Variants in ABCA1 observed in about 807,000 individuals in gnomAD.
ABCA1 encodes the protein ATP binding cassette subfamily A member 1, also known as phospholipid-transporting ATPase ABCA1.
In ABCA1, 133 loss-of-function variants were observed where a neutral mutation model predicts 262.5. The ratio of observed to expected loss-of-function variants is 0.51; its 90% CI spans 0.44 to 0.59. The LOEUF is 0.59. Ranked by LOEUF, ABCA1 falls within the 20% of genes least tolerant of loss-of-function variation. The pLI, the probability that ABCA1 is intolerant of heterozygous loss-of-function variation, is 0.00. For synonymous variants in ABCA1, 1,022 were observed against 1,043.5 expected (o/e 0.98, Z 0.40); for missense variants, 2,452 against 2,777.5 (o/e 0.88, Z 2.63).
chr9:104,889,014 T>C (rs1419967190), intron 3 of ABCA1, 88 bp downstream of exon 3: 5 of 1,155,314 alleles, frequency 4.3e-6, no homozygotes, highest in African/African-American at 1.5e-5. Flanking sequence ...AAAGACAGCA[T>C]CTTTGGAAAA....
intron 28 of ABCA1, 65 bp downstream of exon 28, chr9:104,812,509 A>G (rs926337528): frequency 6.2e-7 from 1 of 1,604,402 alleles, no homozygotes; most frequent in Non-Finnish European, 8.5e-7. Context: ...TCCTGCCTTC[A>G]CTGGTCACAG....
At chr9:104,878,314 A>C (rs1340185306) in intron 5 of ABCA1, among the ~76,000 whole-genome samples, 1 of 152,254 alleles carries the variant, frequency 6.6e-6, no homozygotes, top group East Asian at 1.9e-4. Flanking sequence ...AAAAAGTTCC[A>C]GTGATGAGAA....
intron 7 of ABCA1, chr9:104,855,385 G>C (rs939396703): frequency 5.8e-5 from 10 of 171,822 alleles, no homozygotes; most frequent in Non-Finnish European, 9.3e-5. Flanking sequence ...ATTTTTAGTA[G>C]AGAGGGGATT....
At position 104,793,399 on chromosome 9, in the gene ABCA1, T is replaced by G. The variant is rs181211426; in HGVS notation, c.5507-99A>C. 1.0e-5 allele frequency: 15 copies of G among 1,499,002 alleles called. No homozygotes were observed. In the East Asian group the frequency reaches 3.4e-4, roughly 34 times the overall value. 92.9% of individuals were successfully genotyped at this position (1,499,002 alleles called of 1,614,324 possible). A position where few individuals can be genotyped will look rare whatever the true frequency, so the allele number is the denominator to read the frequency against. On this transcript the variant is annotated intron_variant, in intron 40 of 49. Coordinates refer to ENST00000374736, the MANE Select transcript of ABCA1 (RefSeq NM_005502.4). ...TATGTTCCTTAAAATTCACCGATCT[T>G]CCAATAAACACAAATGGCTATCACC...
intron 7 of ABCA1, among the ~76,000 whole-genome samples, chr9:104,849,519 G>T (rs987688439): frequency 1.3e-5 from 2 of 152,140 alleles, no homozygotes; most frequent in African/African-American, 4.8e-5. Flanking sequence ...TAAGTGCTCA[G>T]CATTTACTAA....
At chr9:104,856,215 C>G in intron 7 of ABCA1, 1 of 1,403,992 alleles carries the variant, frequency 7.1e-7, no homozygotes, top group East Asian at 2.5e-5. Flanking sequence ...AGTCACATTT[C>G]AAAATGTTTG....
chr9:104,842,694 C>G (rs953327224), intron 8 of ABCA1, among the ~76,000 whole-genome samples: 16 of 152,292 alleles, frequency 1.1e-4, no homozygotes, highest in South Asian at 4.1e-4. Flanking sequence ...ATGAATGAAA[C>G]TGACTTACTG....
intron 27 of ABCA1, among the ~76,000 whole-genome samples, chr9:104,813,710 G>T (rs1405646096): frequency 6.6e-6 from 1 of 152,208 alleles, no homozygotes; most frequent in Non-Finnish European, 1.5e-5. Context: ...ACCATGCCCA[G>T]CCTCAAATAT....
intron 14 of ABCA1, among the ~76,000 whole-genome samples, chr9:104,830,423 C>T (rs576214277): frequency 6.6e-6 from 1 of 152,294 alleles, no homozygotes; most frequent in Non-Finnish European, 1.5e-5. Context: ...GGTGCAGTGG[C>T]TCACACCTGT....
At chr9:104,801,562 A>G (rs960488274) in intron 34 of ABCA1, among the ~76,000 whole-genome samples, 2 of 150,656 alleles carry the variant, frequency 1.3e-5, no homozygotes, top group Admixed American at 6.6e-5. Context: ...GTTTTTTGAG[A>G]TGGAGTTTTG....
rs747254813 is a variant in ABCA1, at chr9:104,840,513, T to G, written c.820A>C (p.Ser274Arg). 1.4e-5 allele frequency: 23 copies of G among 1,612,112 alleles called. No individual in the cohort carries two copies. Among genetic ancestry groups the G allele is most frequent in the Admixed American group, 1.7e-5 (1 of 59,928 alleles). Residue 274 changes from serine to arginine, a missense_variant, in exon 9 of 50, where the codon AGC becomes CGC. Physicochemically the swap from Ser to Arg is moderately radical, Grantham distance 110. Transcript: ENST00000374736. ...CGCATGTCACTCCAGCTTCTCATGC[T>G]GAACAGCTGGCGTCAGGGATGGGGA... ...SLGTLAQELF[S>R]MRSWSDMRQE...
rs1350394170 is a variant in ABCA1 at position 104,784,435 on chromosome 9, C to T, written c.6666G>A (p.Lys2222=). The change falls in exon 50 of 50, where the codon AAG becomes AAA. Residue 2222 remains lysine, a synonymous_variant. Transcript: ENST00000374736. ...TLDQVFVNFA[K]DQSDDDHLKD... ...TTAAGTGGTCATCATCACTTTGGTC[C>T]TTGGCAAAGTTCACAAATACCTGTT... 5.6e-6 allele frequency: 9 copies of T among 1,614,050 alleles called. No individual in the cohort carries two copies. Among genetic ancestry groups the T allele is most frequent in the Non-Finnish European group, 7.6e-6 (9 of 1,179,986 alleles).
chr9:104,817,494 C>A lies in ABCA1; in HGVS notation c.3463-90G>T. 7.2e-7 allele frequency: 1 copy of A among 1,394,736 alleles called. No homozygotes were observed. The highest frequency in any genetic ancestry group is 1.8e-4 in the Middle Eastern group (1 of 5,650). The allele number at this position is 1,394,736 out of a possible 1,614,324, so 86.4% of individuals were successfully genotyped here. A position where few individuals can be genotyped will look rare whatever the true frequency, so the allele number is the denominator to read the frequency against. On this transcript the variant is annotated intron_variant, in intron 23 of 49. Transcript: ENST00000374736. The surrounding 1 kb of genome is among the most constrained non-coding windows in gnomAD (Gnocchi z 4.7). The stretch of plus-strand genomic sequence containing the variant: ...CGCCGGGGAGGGCTTCCAAGAAGCT[C>A]TGTTGTGTGAGAACTAAAGGAAAAA...
chr9:104,858,827 A>T (rs1836078781), intron 6 of ABCA1, 129 bp from the exon 7 acceptor site: 16 of 908,676 alleles, frequency 1.8e-5, no homozygotes, highest in Non-Finnish European at 2.8e-5. Context: ...GTTCCATTGC[A>T]ACAGTCCAAT....
intron 39 of ABCA1, among the ~76,000 whole-genome samples, chr9:104,795,445 GA>G (rs1478521993): frequency 6.6e-6 from 1 of 152,226 alleles, no homozygotes; most frequent in Non-Finnish European, 1.5e-5. Flanking sequence ...TTGAATGTGG[GA>G]AATCTGCAAC....
At chr9:104,879,151 A>G (rs1419560442) in intron 5 of ABCA1, among the ~76,000 whole-genome samples, 1 of 152,190 alleles carries the variant, frequency 6.6e-6, no homozygotes, top group Non-Finnish European at 1.5e-5. Context: ...TAAGATCAGA[A>G]AGTCTGCTTG....
At chr9:104,879,444 G>A (rs1470672107) in intron 5 of ABCA1, among the ~76,000 whole-genome samples, 1 of 152,220 alleles carries the variant, frequency 6.6e-6, no homozygotes, top group Non-Finnish European at 1.5e-5. Flanking sequence ...TGACTGGAAT[G>A]AGGCCAAAGA....
At chr9:104,804,487 G>T in intron 32 of ABCA1, 139 bp downstream of exon 32, 2 of 764,666 alleles carry the variant, frequency 2.6e-6, no homozygotes, top group Non-Finnish European at 4.7e-6. Context: ...TCTAGTTTGG[G>T]ATAATATCCT....
At chr9:104,786,272 T>C (rs1588188775) in intron 48 of ABCA1, 26 bp downstream of exon 48, 4 of 1,569,032 alleles carry the variant, frequency 2.5e-6, no homozygotes, top group Non-Finnish European at 3.5e-6. Context: ...CACTAGGCAC[T>C]ATCCCAAAGA....
Sources: allele counts gnomAD v4.1 joint callset (sites outside exome capture counted in the v4.1 genomes callset), GRCh38; gene constraint gnomAD v4.1.1; non-coding constraint Gnocchi (gnomAD v3.1); transcripts MANE v1.5; gene names NCBI Gene and HGNC (gene_info 2026-07-23, HGNC 2026-07-21).